The following LUC7L2 variants were observed in gnomAD, a reference collection of about 807,000 sequenced individuals.
LUC7L2 encodes LUC7 like 2, pre-mRNA splicing factor.
LUC7L2 carries 25 observed loss-of-function variants against 52.8 expected under a neutral mutation model. The ratio of observed to expected loss-of-function variants is 0.47; its 90% CI spans 0.34 to 0.66. The LOEUF is 0.66. LUC7L2 is among the 30% of genes least tolerant of loss of function. The probability of loss-of-function intolerance (pLI) is 0.01; values close to 1 mark genes in which losing one functional copy is unlikely to be tolerated. For synonymous variants in LUC7L2, 144 were observed against 160.9 expected (o/e 0.89, Z 0.80); for missense variants, 328 against 497.8 (o/e 0.66, Z 3.25).
chr7:139,383,756 C>T (rs1332423211), intron 2 of LUC7L2, among the ~76,000 whole-genome samples: 3 of 135,246 alleles, frequency 2.2e-5, no homozygotes, highest in African/African-American at 6.3e-5. Context: ...TTTTTTGTGA[C>T]GGAGTATTGC....
chr7:139,361,165 G>C (rs549517742), intron 1 of LUC7L2, among the ~76,000 whole-genome samples: 3 of 152,326 alleles, frequency 2.0e-5, no homozygotes, highest in East Asian at 3.9e-4. Context: ...ATGATGAAAT[G>C]CTGTTGCTTT....
chr7:139,421,047 T>C (rs1795881983), intron 9 of LUC7L2, among the ~76,000 whole-genome samples: 1 of 152,214 alleles, frequency 6.6e-6, no homozygotes, highest in African/African-American at 2.4e-5. Context: ...GTGATCTGCC[T>C]GCCTTGGCCT....
intron 2 of LUC7L2, among the ~76,000 whole-genome samples, chr7:139,390,250 A>ATT (rs574854750): frequency 7.1e-6 from 1 of 141,786 alleles, no homozygotes; most frequent in Non-Finnish European, 1.6e-5. Flanking sequence ...TTTTTTTCTT[A>ATT]TTTTTTTTTT....
intron 1 of LUC7L2, chr7:139,374,563 A>G (rs1800612572): frequency 6.5e-7 from 1 of 1,546,320 alleles, no homozygotes; most frequent in Non-Finnish European, 8.7e-7. Flanking sequence ...AATAACTTTT[A>G]TTATAGTAGC....
intron 6 of LUC7L2, 146 bp downstream of exon 6, chr7:139,407,496 C>A: frequency 9.9e-7 from 1 of 1,009,640 alleles, no homozygotes; most frequent in East Asian, 3.2e-5. Context: ...GATGGAAATT[C>A]AAGTTGGTTT....
chr7:139,368,218 T>C (rs1800262805), intron 1 of LUC7L2, among the ~76,000 whole-genome samples: 1 of 152,188 alleles, frequency 6.6e-6, no homozygotes, highest in Non-Finnish European at 1.5e-5. Context: ...ATATCTTTAT[T>C]TCCTTTTCTT....
intron 6 of LUC7L2, 28 bp downstream of exon 6, chr7:139,407,378 AT>A: frequency 6.3e-7 from 1 of 1,590,526 alleles, no homozygotes; most frequent in Non-Finnish European, 8.6e-7. Flanking sequence ...TCCTCACTTT[AT>A]CCTCTTGTTC....
At chr7:139,352,039 GT>G (rs1171461382) in intron 1 of LUC7L2, among the ~76,000 whole-genome samples, 1 of 151,654 alleles carries the variant, frequency 6.6e-6, no homozygotes, top group East Asian at 1.9e-4. Flanking sequence ...TAAAAAAAAT[GT>G]AAAAATTAGC....
At chr7:139,345,734 C>T in intron 1 of LUC7L2, 2 of 1,593,788 alleles carry the variant, frequency 1.3e-6, no homozygotes, top group Non-Finnish European at 1.7e-6. Flanking sequence ...ATGCTGCATT[C>T]ATAGGAGAAT....
At chr7:139,375,888 C>T (rs951289747) in intron 1 of LUC7L2, 174 bp from the exon 2 acceptor site, 6 of 610,618 alleles carry the variant, frequency 9.8e-6, no homozygotes, top group Non-Finnish European at 1.6e-5. Context: ...CTTACTGCAA[C>T]TGCATGTTGT....
Position 139,359,996 on chromosome 7 carries a change from C to T in LUC7L2, c.-266C>T, listed in dbSNP as rs552530513. The T allele has an allele frequency of 5.3e-5, 25 of 473,810 alleles. No homozygotes were observed. In the South Asian group the frequency reaches 8.2e-4, roughly 16 times the overall value. The allele number at this position is 473,810 out of a possible 1,614,324, so 29.4% of individuals were successfully genotyped here. A position where few individuals can be genotyped will look rare whatever the true frequency, so the allele number is the denominator to read the frequency against. On this transcript the variant is annotated 5_prime_UTR_variant, in exon 1 of 10. Transcript: ENST00000354926. ...GTTGAAGGCGAGAGCTTGCTTGGCCCGTGTCGCTTCTGTCCCAAGAACCGG... is the reference window on the plus strand; with the variant it reads ...GTTGAAGGCGAGAGCTTGCTTGGCCTGTGTCGCTTCTGTCCCAAGAACCGG...
chr7:139,415,465 A>G (rs779882592), intron 8 of LUC7L2, among the ~76,000 whole-genome samples: 35 of 152,128 alleles, frequency 2.3e-4, no homozygotes, highest in Non-Finnish European at 5.0e-4. Flanking sequence ...TAATAACTCA[A>G]AATGAGTGGT....
intron 1 of LUC7L2, among the ~76,000 whole-genome samples, chr7:139,346,776 C>G (rs1044884828): frequency 6.6e-5 from 10 of 152,166 alleles, no homozygotes; most frequent in Non-Finnish European, 4.4e-5. Context: ...CTCTTTCTGT[C>G]TCCTAATCTT....
chr7:139,356,645 AT>A (rs924253639), upstream of LUC7L2, among the ~76,000 whole-genome samples: 1 of 151,706 alleles, frequency 6.6e-6, no homozygotes, highest in Non-Finnish European at 1.5e-5. Context: ...GATAGTAAAT[AT>A]TTGAGTGTTG....
At chr7:139,416,087 ATATG>A (rs1795601401) in intron 8 of LUC7L2, 1 of 128,300 alleles carries the variant, frequency 7.8e-6, no homozygotes, top group Non-Finnish European at 1.7e-5. Flanking sequence ...ATATATATAT[ATATG>A]ATTTACTCTG....
At chr7:139,363,294 TGTATATGTGAATCA>T in intron 1 of LUC7L2, 1 of 952,088 alleles carries the variant, frequency 1.1e-6, no homozygotes, top group Non-Finnish European at 1.3e-6. Flanking sequence ...ATATAAAGTT[TGTATATGTGAATCA>T]GTGTAACTCA....
At chr7:139,418,084 A>G (rs1795708814) in intron 9 of LUC7L2, among the ~76,000 whole-genome samples, 2 of 152,214 alleles carry the variant, frequency 1.3e-5, no homozygotes, top group East Asian at 3.8e-4. Flanking sequence ...TTTCATTACA[A>G]GAGTTGTTTA....
At chr7:139,392,498 T>C (rs779790563) in intron 2 of LUC7L2, 12 of 355,752 alleles carry the variant, frequency 3.4e-5, no homozygotes, top group South Asian at 8.6e-5. Flanking sequence ...TTGGTCCACA[T>C]TTCATGCAGT....
rs951462635 is a variant in LUC7L2 at position 139,341,137 on chromosome 7, C to T, written c.-26+620C>T. On this transcript the variant is annotated intron_variant, in intron 1 of 10. Transcript: ENST00000541170. The stretch of plus-strand genomic sequence containing the variant: ...AAGAAAAGCCCCTGTTTCCCCAAAC[C>T]CTTGTTCTGGGTTAGAGGTCCTGGT... The T allele has an allele frequency of 1.3e-5, 6 of 473,374 alleles. No homozygotes were observed. The Admixed American group carries it at 2.5e-4, about 20-fold the overall frequency. 29.3% of individuals were successfully genotyped at this position (473,374 alleles called of 1,614,324 possible).
Sources: allele counts gnomAD v4.1 joint callset (sites outside exome capture counted in the v4.1 genomes callset), GRCh38; gene constraint gnomAD v4.1.1; transcripts MANE v1.5; gene names NCBI Gene and HGNC (gene_info 2026-07-23, HGNC 2026-07-21).